BDH2: variants seen among roughly 807,000 people sequenced by gnomAD.
The protein encoded by BDH2 is dehydrogenase/reductase SDR family member 6.
BDH2 carries 24 observed loss-of-function variants against 33.2 expected under a neutral mutation model. The ratio of observed to expected loss-of-function variants is 0.72; its 90% CI spans 0.52 to 1.02. The LOEUF (loss-of-function observed/expected upper bound fraction) is 1.02. Ranked by LOEUF, BDH2 falls within the 50% of genes least tolerant of loss-of-function variation. The pLI, the probability that BDH2 is intolerant of heterozygous loss-of-function variation, is 0.00. For synonymous variants in BDH2, 81 were observed against 101.6 expected (o/e 0.80, Z 1.22); for missense variants, 249 against 301.6 (o/e 0.83, Z 1.29).
chr4:103,085,821 A>C, intron 6 of BDH2: 1 of 1,289,292 alleles, frequency 7.8e-7, no homozygotes, highest in South Asian at 1.3e-5. Context: ...ACTTCTTTAC[A>C]TTCCTCTCTT....
rs974898253 is a variant in BDH2 at position 103,079,646 on chromosome 4, A to G, written c.*56T>C. ...TGATTGGTGAGTTTTCTTCGTAACC[A>G]GGTTCACTGTGGATAGGAAGGGCCT... On this transcript the variant is annotated 3_prime_UTR_variant, in exon 10 of 10. Transcript: ENST00000296424. 1.0e-5 allele frequency: 16 copies of G among 1,536,248 alleles called. No individual in the cohort carries two copies. Among genetic ancestry groups the G allele is most frequent in the Non-Finnish European group, 1.4e-5 (16 of 1,111,688 alleles).
At chr4:103,098,999 CT>C (rs1748531090) in intron 1 of BDH2, 1 of 152,070 alleles carries the variant, frequency 6.6e-6, no homozygotes, top group African/African-American at 2.4e-5. Context: ...TGAATTTTTG[CT>C]TTTTTACTTC....
chr4:103,092,593 G>T lies in BDH2; in HGVS notation c.248+7C>A. The T allele has an allele frequency of 1.3e-6, 2 of 1,585,536 alleles. No homozygotes were observed. The highest frequency in any genetic ancestry group is 1.1e-5 in the South Asian group (1 of 89,328). ...AAGGAAAGTGAAACTAAAAAGTTAT[G>T]AATTACCCAGCAACATTAAAGAGAA... On this transcript the variant is annotated splice_region_variant and intron_variant, in intron 4 of 9. Coordinates refer to ENST00000296424, the MANE Select transcript of BDH2 (RefSeq NM_020139.4).
intron 1 of BDH2, among the ~76,000 whole-genome samples, chr4:103,096,753 C>G (rs1018097313): frequency 3.8e-4 from 58 of 152,084 alleles, no homozygotes; most frequent in Non-Finnish European, 5.6e-4. Context: ...GTTGGCCAGA[C>G]TGGTCTCAAA....
At chr4:103,095,897 G>A (rs944356418) in intron 2 of BDH2, among the ~76,000 whole-genome samples, 9 of 152,128 alleles carry the variant, frequency 5.9e-5, no homozygotes, top group African/African-American at 1.9e-4. Context: ...CCTCTGTAGC[G>A]AATATATCAT....
rs1747592983 is a variant in BDH2, at chr4:103,082,915, G to T, written c.547C>A (p.Pro183Thr). The T allele has an allele frequency of 6.2e-7, 1 of 1,612,690 alleles. No homozygotes were observed. ...GCTTGTATTCTTTCTTGTAGAGATG[G>T]CGTATCAACTGTTCCTAAATCAAAG... ...NCVCPGTVDTPSLQERIQARG... is the reference protein window; with the variant it reads ...NCVCPGTVDTTSLQERIQARG... Residue 183 changes from proline to threonine, a missense_variant, in exon 8 of 10, where the codon CCA (proline) becomes ACA (threonine). By Grantham distance (38) the Pro-to-Thr change is conservative. Coordinates refer to ENST00000296424, the MANE Select transcript of BDH2 (RefSeq NM_020139.4).
Position 103,080,214 on chromosome 4 carries a change from T to A in BDH2, c.685-459A>T, listed in dbSNP as rs148509449. On this transcript the variant is annotated intron_variant, in intron 9 of 9. Transcript: ENST00000296424. ...AAAAAGACAGCATATATTTAGTTGA[T>A]CAATTATAAGTGGATAATTGTAGGA... Among the ~76,000 whole-genome samples the A allele has an allele frequency of 9.1e-4, 138 of 152,350 alleles. 1 individual carries two copies. The highest frequency in any genetic ancestry group is 3.4e-3 in the Middle Eastern group (1 of 294).
intron 7 of BDH2, among the ~76,000 whole-genome samples, chr4:103,084,963 T>C (rs891711726): frequency 6.6e-6 from 1 of 152,228 alleles, no homozygotes; most frequent in Non-Finnish European, 1.5e-5. Flanking sequence ...TGATCCTGGA[T>C]ATGCAATCAT....
chr4:103,085,322 C>T (rs1227355258), intron 7 of BDH2, 27 bp downstream of exon 7: 14 of 1,563,538 alleles, frequency 9.0e-6, no homozygotes, highest in Admixed American at 1.8e-5. Context: ...TAAAACTTTG[C>T]TTACAAAACA....
At chr4:103,080,247 C>T (rs1747440678) in intron 9 of BDH2, among the ~76,000 whole-genome samples, 1 of 152,078 alleles carries the variant, frequency 6.6e-6, no homozygotes, top group African/African-American at 2.4e-5. Flanking sequence ...GGAGCTGAAG[C>T]ACACTAAATG....
At chr4:103,080,428 T>C (rs1747451331) in intron 9 of BDH2, among the ~76,000 whole-genome samples, 1 of 152,214 alleles carries the variant, frequency 6.6e-6, no homozygotes, top group South Asian at 2.1e-4. Context: ...GTGATCTTTT[T>C]GGTAGAAGTT....
intron 4 of BDH2, chr4:103,091,604 G>T: frequency 2.4e-6 from 1 of 420,336 alleles, no homozygotes; most frequent in Non-Finnish European, 4.6e-6. Flanking sequence ...ACAGGGCTAG[G>T]CATGGTAGCA....
intron 1 of BDH2, among the ~76,000 whole-genome samples, chr4:103,096,991 G>C (rs1240796079): frequency 6.6e-6 from 1 of 152,078 alleles, no homozygotes; most frequent in Non-Finnish European, 1.5e-5. Context: ...ACTCAGGGCT[G>C]CTTCTTGATT....
intron 8 of BDH2, 65 bp downstream of exon 8, chr4:103,082,806 C>G: frequency 7.3e-7 from 1 of 1,372,990 alleles, no homozygotes; most frequent in Non-Finnish European, 1.0e-6. Flanking sequence ...AATTTGTCTG[C>G]TATAGGTATG....
At chr4:103,092,791 T>TGAAG in intron 3 of BDH2, 95 bp from the exon 4 acceptor site, 2 of 859,102 alleles carry the variant, frequency 2.3e-6, no homozygotes, top group Non-Finnish European at 3.9e-6. Flanking sequence ...GCAACATCTA[T>TGAAG]CCAGCTAGGC....
intron 3 of BDH2, 122 bp downstream of exon 3, chr4:103,095,081 G>A (rs148079870): frequency 3.0e-6 from 2 of 665,630 alleles, no homozygotes; most frequent in African/African-American, 3.6e-5. Flanking sequence ...ATCAGAGAGA[G>A]AATCTAAAAA....
intron 9 of BDH2, among the ~76,000 whole-genome samples, chr4:103,081,418 C>A (rs1747521423): frequency 6.6e-6 from 1 of 152,206 alleles, no homozygotes; most frequent in African/African-American, 2.4e-5. Flanking sequence ...CTGCCTCAGC[C>A]TCCCGAGTAG....
Position 103,092,607 on chromosome 4 carries a change from C to A in BDH2, c.241G>T (p.Val81Phe). The A allele has an allele frequency of 6.2e-7, 1 of 1,605,814 alleles. No individual in the cohort carries two copies. The highest frequency in any genetic ancestry group is 8.5e-7 in the Non-Finnish European group (1 of 1,173,208). Residue 81 changes from valine (V) to phenylalanine (F), a missense_variant, in exon 4 of 10, where the codon GTT (valine) becomes TTT (phenylalanine). Coordinates refer to ENST00000296424, the MANE Select transcript of BDH2 (RefSeq NM_020139.4). ...TAAAAAGTTATGAATTACCCAGCAA[C>A]ATTAAAGAGAACATCAAGTCTCTCA... ...EVERLDVLFN[V>F]AGFVHHGTVL...
chr4:103,090,314 A>C (rs1189271519), intron 5 of BDH2, among the ~76,000 whole-genome samples: 1 of 152,224 alleles, frequency 6.6e-6, no homozygotes, highest in African/African-American at 2.4e-5. Context: ...GAGGTACTTA[A>C]TGCTAGTTTA....
Sources: gnomAD v4.1 joint callset for allele counts (sites outside exome capture counted in the v4.1 genomes callset) on GRCh38, gnomAD v4.1.1 for gene constraint, MANE v1.5 for transcripts, NCBI Gene and HGNC (gene_info 2026-07-23, HGNC 2026-07-21) for gene names.